Variants in VPS13B observed in about 807,000 individuals in gnomAD.
The protein encoded by VPS13B is intermembrane lipid transfer protein VPS13B.
VPS13B carries 285 observed loss-of-function variants against 426.4 expected under a neutral mutation model. The ratio of observed to expected loss-of-function variants is 0.67; its 90% CI spans 0.61 to 0.74. The LOEUF (loss-of-function observed/expected upper bound fraction) is 0.74. Among genes scored for constraint, VPS13B ranks in the 30% least tolerant of loss-of-function variants. The pLI is 0.00. For missense variants in VPS13B, 4,537 were observed against 4,782.6 expected (o/e 0.95, Z 1.51); for synonymous variants, 1,676 against 1,676.4 (o/e 1.00, Z 0.01).
intron 29 of VPS13B, among the ~76,000 whole-genome samples, chr8:99,512,104 A>T (rs186710721): frequency 6.6e-6 from 1 of 152,350 alleles, no homozygotes; most frequent in East Asian, 1.9e-4. Context: ...ACTAAATTCA[A>T]TGTATTATAC....
At chr8:99,075,073 T>C (rs1468425602) in intron 3 of VPS13B, among the ~76,000 whole-genome samples, 2 of 152,208 alleles carry the variant, frequency 1.3e-5, no homozygotes, top group African/African-American at 4.8e-5. Context: ...CCTTGTAAGC[T>C]TGATAAATTT....
intron 35 of VPS13B, among the ~76,000 whole-genome samples, chr8:99,682,621 G>T (rs1472597930): frequency 6.6e-6 from 1 of 152,044 alleles, no homozygotes; most frequent in Non-Finnish European, 1.5e-5. Context: ...GAGTTTCTCT[G>T]TACTGAGCTG....
intron 21 of VPS13B, among the ~76,000 whole-genome samples, chr8:99,407,507 T>C (rs1815394510): frequency 6.6e-6 from 1 of 152,116 alleles, no homozygotes; most frequent in African/African-American, 2.4e-5. Flanking sequence ...GTGACCCCAG[T>C]CTCTTTGTTT....
intron 15 of VPS13B, among the ~76,000 whole-genome samples, chr8:99,159,668 G>A (rs753956670): frequency 4.6e-5 from 7 of 152,090 alleles, no homozygotes. Context: ...AGTACTTTTT[G>A]TAAGGGGTGA....
At chr8:99,030,905 T>C (rs922696155) in intron 2 of VPS13B, among the ~76,000 whole-genome samples, 1 of 152,242 alleles carries the variant, frequency 6.6e-6, no homozygotes, top group South Asian at 2.1e-4. Context: ...TTAATCTTTC[T>C]TAAATGTACA....
rs574956388 is a variant in VPS13B, at chr8:99,035,260, C to T, written c.148-3163C>T. ...TAATTATATGCACATCCTTGTGTAGCAGATCTTCAGAACTTTTTTGTCTTG... is the reference window on the plus strand; with the variant it reads ...TAATTATATGCACATCCTTGTGTAGTAGATCTTCAGAACTTTTTTGTCTTG... On this transcript the variant is annotated intron_variant, in intron 2 of 61. Coordinates refer to ENST00000357162, the MANE Select transcript of VPS13B (RefSeq NM_152564.5). Among the ~76,000 whole-genome samples, 7 of 152,214 alleles carry T rather than the reference C, an allele frequency of 4.6e-5. No homozygotes were observed. In the South Asian group the frequency reaches 1.2e-3, roughly 27 times the overall value.
At chr8:99,300,880 GTTTT>G in intron 19 of VPS13B, among the ~76,000 whole-genome samples, 1 of 123,736 alleles carries the variant, frequency 8.1e-6, no homozygotes, top group East Asian at 2.4e-4. Flanking sequence ...ATTTAATATA[GTTTT>G]TTTTTTTTTT....
chr8:99,251,452 A>T (rs1416768437), intron 17 of VPS13B, among the ~76,000 whole-genome samples: 14 of 151,898 alleles, frequency 9.2e-5, no homozygotes, highest in Admixed American at 8.5e-4. Context: ...GCCTGTTCAT[A>T]TGGTGGATTG....
Position 99,545,715 on chromosome 8 carries a change from C to G in VPS13B, c.4746-10735C>G, listed in dbSNP as rs527766822. 2.1e-3 allele frequency among the ~76,000 whole-genome samples: 324 copies of G among 152,056 alleles called. 1 individual carries two copies. Among genetic ancestry groups the G allele is most frequent in the African/African-American group, 7.5e-3 (312 of 41,508 alleles). ...ATACTGTTGCATTAGGCACTATACA[C>G]TTAGGATTATCTTAGTACTAGATAT... On this transcript the variant is annotated intron_variant, in intron 30 of 61. Transcript: ENST00000357162.
chr8:99,421,405 C>T (rs1345325070), intron 21 of VPS13B, among the ~76,000 whole-genome samples: 1 of 152,068 alleles, frequency 6.6e-6, no homozygotes, highest in African/African-American at 2.4e-5. Flanking sequence ...TATCCATGAT[C>T]CATAGTAGAA....
chr8:99,014,305 A>G (rs1296635279), intron 2 of VPS13B, among the ~76,000 whole-genome samples: 1 of 150,822 alleles, frequency 6.6e-6, no homozygotes, highest in Non-Finnish European at 1.5e-5. Flanking sequence ...TTTAGTAGAG[A>G]CGGGGTTTCA....
chr8:99,704,472 A>C (rs975537706), intron 36 of VPS13B, among the ~76,000 whole-genome samples: 4 of 152,184 alleles, frequency 2.6e-5, no homozygotes, highest in African/African-American at 9.7e-5. Context: ...GGGGAAATAA[A>C]ATAGTAAATT....
intron 23 of VPS13B, among the ~76,000 whole-genome samples, chr8:99,453,972 A>G (rs922185618): frequency 6.6e-6 from 1 of 152,130 alleles, no homozygotes; most frequent in Admixed American, 6.6e-5. Flanking sequence ...TCATCGTAGT[A>G]TCATGCATAA....
intron 59 of VPS13B, among the ~76,000 whole-genome samples, chr8:99,870,487 AATG>A (rs1174690128): frequency 1.3e-5 from 2 of 152,172 alleles, no homozygotes; most frequent in Admixed American, 6.5e-5. Context: ...CATCAATTAA[AATG>A]ATGTCTAGGC....
chr8:99,822,225 G>C (rs150086236), intron 50 of VPS13B, among the ~76,000 whole-genome samples: 1 of 152,318 alleles, frequency 6.6e-6, no homozygotes, highest in African/African-American at 2.4e-5. Flanking sequence ...CAGAGTAGTA[G>C]AATTCAGATT....
intron 35 of VPS13B, chr8:99,696,781 C>A: frequency 7.1e-7 from 1 of 1,409,176 alleles, no homozygotes; most frequent in Non-Finnish European, 1.0e-6. Flanking sequence ...TGCGTTTTTC[C>A]AAATTATTTG....
intron 52 of VPS13B, among the ~76,000 whole-genome samples, chr8:99,834,736 TTGC>T (rs1421461048): frequency 2.6e-5 from 4 of 152,118 alleles, no homozygotes; most frequent in Admixed American, 6.6e-5. Flanking sequence ...TTTTTGTATT[TTGC>T]TGTAGAGATG....
rs199769640 is a variant in VPS13B at position 99,148,054 on chromosome 8, ATT to A, written c.2013+60_2013+61del. The A allele has an allele frequency of 0.17, 220,351 of 1,328,030 alleles. 3,357 individuals are homozygous for A. Among genetic ancestry groups the A allele is most frequent in the Admixed American group, 0.32 (16,668 of 51,678 alleles). The allele number at this position is 1,328,030 out of a possible 1,614,324, so 82.3% of individuals were successfully genotyped here. A position where few individuals can be genotyped will look rare whatever the true frequency, so the allele number is the denominator to read the frequency against. ...TATATTTTTTTTCCCTCATATATGG[ATT>A]TTTTTTTTTTTTTTTGTCATTTACT... On this transcript the variant is annotated intron_variant, in intron 14 of 61. Transcript: ENST00000357162.
rs560209590 is a variant in VPS13B, at chr8:99,310,125, A to C, written c.2824+34871A>C. 7.2e-5 allele frequency among the ~76,000 whole-genome samples: 11 copies of C among 152,230 alleles called. No individual in the cohort carries two copies. The South Asian group carries it at 1.9e-3, about 26-fold the overall frequency. ...TCTAAATATACAATCATGTCATCTG[A>C]AAACAGGGACAGTTTGACTTCCTCT... On this transcript the variant is annotated intron_variant, in intron 19 of 61. Coordinates refer to ENST00000357162, the MANE Select transcript of VPS13B (RefSeq NM_152564.5).
Sources: gnomAD v4.1 joint callset for allele counts (sites outside exome capture counted in the v4.1 genomes callset) on GRCh38, gnomAD v4.1.1 for gene constraint, MANE v1.5 for transcripts, NCBI Gene and HGNC (gene_info 2026-07-23, HGNC 2026-07-21) for gene names.